RTTN: variants seen among roughly 807,000 people sequenced by gnomAD.
The protein encoded by RTTN is rotatin.
In RTTN, 182 loss-of-function variants were observed where a neutral mutation model predicts 269.2. The observed-to-expected ratio is 0.68, with a 90% CI of 0.60 to 0.76. The LOEUF (loss-of-function observed/expected upper bound fraction) is 0.76, where lower values mean the gene tolerates loss of function less well. RTTN is among the 30% of genes least tolerant of loss of function. The pLI, the probability that RTTN is intolerant of heterozygous loss-of-function variation, is 0.00. For missense variants in RTTN, 2,545 were observed against 2,608.6 expected (o/e 0.98, Z 0.53); for synonymous variants, 1,006 against 963.5 (o/e 1.04, Z -0.82).
intron 46 of RTTN, among the ~76,000 whole-genome samples, chr18:70,013,381 G>A (rs2056448574): frequency 6.6e-6 from 1 of 150,816 alleles, no homozygotes; most frequent in African/African-American, 2.5e-5. Context: ...GTGTGTGTAT[G>A]TATATATACA....
intron 32 of RTTN, among the ~76,000 whole-genome samples, chr18:70,084,817 A>C (rs2058660653): frequency 6.6e-6 from 1 of 152,202 alleles, no homozygotes; most frequent in South Asian, 2.1e-4. Context: ...AAGCTAACTT[A>C]AATCACTATT....
chr18:70,121,708 G>A lies in RTTN; in HGVS notation c.3384-8C>T, dbSNP rs2059742886. The A allele has an allele frequency of 3.9e-6, 6 of 1,532,204 alleles. No individual in the cohort carries two copies. In the East Asian group the frequency reaches 9.9e-5, roughly 25 times the overall value. 94.9% of individuals were successfully genotyped at this position (1,532,204 alleles called of 1,614,324 possible). A position where few individuals can be genotyped will look rare whatever the true frequency, so the allele number is the denominator to read the frequency against. Reference sequence around the variant, plus strand: ...GGAAGCACCTGTAAAAACCTATAATGAAAAGACAATAATCATGGTTTCTGG... The same window carrying A: ...GGAAGCACCTGTAAAAACCTATAATAAAAAGACAATAATCATGGTTTCTGG... On this transcript the variant is annotated splice_region_variant and splice_polypyrimidine_tract_variant and intron_variant, in intron 25 of 48. Coordinates refer to ENST00000640769, the MANE Select transcript of RTTN (RefSeq NM_173630.4).
rs1173078236 is a variant in RTTN at position 70,092,786 on chromosome 18, C to A, written c.3922G>T (p.Val1308Leu). 6.2e-7 allele frequency: 1 copy of A among 1,608,738 alleles called. No homozygotes were observed. Among genetic ancestry groups the A allele is most frequent in the Non-Finnish European group, 8.5e-7 (1 of 1,176,276 alleles). Residue 1308 changes from valine (V) to leucine (L), a missense_variant, in exon 29 of 49, where the codon GTG becomes TTG. Physicochemically the swap from Val to Leu is conservative, Grantham distance 32. Coordinates refer to ENST00000640769, the MANE Select transcript of RTTN (RefSeq NM_173630.4). ...GLLEVITSFY[V>L]ERGGNAMSFM... ...GACATAGCATTTCCTCCACGCTCCA[C>A]ATAAAAAGAAGTAATGACCTGAAAA...
intron 14 of RTTN, among the ~76,000 whole-genome samples, chr18:70,159,943 A>G (rs2060782259): frequency 6.6e-6 from 1 of 152,094 alleles, no homozygotes; most frequent in Non-Finnish European, 1.5e-5. Flanking sequence ...AAAAATAAAA[A>G]AAGCCTACCA....
At chr18:70,061,428 C>A (rs758992737) in intron 35 of RTTN, 4 of 455,992 alleles carry the variant, frequency 8.8e-6, no homozygotes, top group South Asian at 6.2e-5. Flanking sequence ...GTTTGGAAAG[C>A]AAGATTTGGG....
At chr18:70,083,032 C>A (rs1171679785) in intron 32 of RTTN, among the ~76,000 whole-genome samples, 4 of 152,130 alleles carry the variant, frequency 2.6e-5, no homozygotes, top group Non-Finnish European at 5.9e-5. Flanking sequence ...GACTCAAGAA[C>A]AAGACCAATG....
intron 10 of RTTN, among the ~76,000 whole-genome samples, chr18:70,182,530 G>C (rs1391269458): frequency 6.6e-6 from 1 of 152,118 alleles, no homozygotes; most frequent in African/African-American, 2.4e-5. Flanking sequence ...AAAGGGAGAG[G>C]AAGGAAGACC....
intron 40 of RTTN, among the ~76,000 whole-genome samples, chr18:70,036,925 CT>C (rs1413895808): frequency 6.6e-6 from 1 of 152,210 alleles, no homozygotes; most frequent in Non-Finnish European, 1.5e-5. Context: ...CACCCCTCCC[CT>C]ATCTATCAGC....
intron 3 of RTTN, among the ~76,000 whole-genome samples, chr18:70,202,612 CTTTA>C (rs2146191875): frequency 6.6e-6 from 1 of 152,322 alleles, no homozygotes; most frequent in East Asian, 1.9e-4. Context: ...TAAGACTCTA[CTTTA>C]TTTGTGATGT....
At chr18:70,062,493 A>G (rs1176958797) in intron 35 of RTTN, among the ~76,000 whole-genome samples, 1 of 152,206 alleles carries the variant, frequency 6.6e-6, no homozygotes, top group Non-Finnish European at 1.5e-5. Context: ...CATATGCAAA[A>G]GTAGAAAACT....
At chr18:70,150,172 G>C in intron 15 of RTTN, 85 bp from the exon 16 acceptor site, 2 of 743,272 alleles carry the variant, frequency 2.7e-6, no homozygotes, top group Non-Finnish European at 4.7e-6. Flanking sequence ...TTTATAGCAT[G>C]TGGAAAGATG....
rs777149582 is a variant in RTTN, at chr18:70,030,951, G to C, written c.5572C>G (p.Leu1858Val). ...AATGCATTTGCAGCTACTCTTTTCA[G>C]GATATCTTTGGAGGATTTCCCTTCA... is the stretch of plus-strand genomic sequence containing the variant. ...CYEGKSSKDI[L>V]KRVAANALMS... The change falls in exon 41 of 49, where the codon CTG becomes GTG. Residue 1858 changes from leucine to valine, a missense_variant. Coordinates refer to ENST00000640769, the MANE Select transcript of RTTN (RefSeq NM_173630.4). 6.2e-7 allele frequency: 1 copy of C among 1,613,292 alleles called. No homozygotes were observed.
At chr18:70,031,794 G>A (rs1396126048) in intron 40 of RTTN, among the ~76,000 whole-genome samples, 1 of 151,660 alleles carries the variant, frequency 6.6e-6, no homozygotes, top group South Asian at 2.1e-4. Context: ...CAGAGGGAGG[G>A]CATCGAGAGC....
chr18:70,190,779 G>A (rs2061652603), intron 8 of RTTN, 60 bp from the exon 9 acceptor site: 1 of 1,197,796 alleles, frequency 8.3e-7, no homozygotes, highest in Admixed American at 1.8e-5. Context: ...CAGATTTACT[G>A]CATATCTGCT....
At chr18:70,045,729 G>A (rs1411068764) in intron 40 of RTTN, among the ~76,000 whole-genome samples, 2 of 152,160 alleles carry the variant, frequency 1.3e-5, no homozygotes, top group South Asian at 2.1e-4. Context: ...AAACTTGCCT[G>A]TGCCTTTCTA....
At chr18:70,112,439 T>A (rs1599609494) in intron 27 of RTTN, among the ~76,000 whole-genome samples, 1 of 71,380 alleles carries the variant, frequency 1.4e-5, no homozygotes, top group Admixed American at 2.3e-4. Flanking sequence ...ACACATGGGC[T>A]CAAAATAAAG....
At chr18:70,096,587 T>C (rs536890393) in intron 28 of RTTN, among the ~76,000 whole-genome samples, 5 of 152,244 alleles carry the variant, frequency 3.3e-5, no homozygotes, top group Non-Finnish European at 5.9e-5. Flanking sequence ...TGGCTGGAGG[T>C]CCACTCCAGA....
At chr18:70,182,572 T>C (rs866816272) in intron 10 of RTTN, among the ~76,000 whole-genome samples, 6 of 152,100 alleles carry the variant, frequency 3.9e-5, no homozygotes, top group Non-Finnish European at 7.4e-5. Context: ...ACAGAAGAGA[T>C]AGAATGCCAA....
intron 32 of RTTN, among the ~76,000 whole-genome samples, chr18:70,080,928 TCACACACACACACACACACACA>T (rs138851066): frequency 1.2e-4 from 18 of 146,894 alleles, no homozygotes; most frequent in African/African-American, 3.1e-4. Context: ...GTGTGTGGTA[TCACACACACACACACACACACA>T]CACACACACA....
Sources: allele counts gnomAD v4.1 joint callset (sites outside exome capture counted in the v4.1 genomes callset), GRCh38; gene constraint gnomAD v4.1.1; transcripts MANE v1.5; gene names NCBI Gene and HGNC (gene_info 2026-07-23, HGNC 2026-07-21).